Variants in SLC22A13 observed in about 807,000 individuals in gnomAD.
The protein encoded by SLC22A13 is solute carrier family 22 member 13.
A neutral mutation model predicts 49.1 loss-of-function variants in SLC22A13; 42 were observed. That is an observed-to-expected ratio of 0.85 (90% CI 0.67 to 1.11). SLC22A13 has a LOEUF of 1.11. Among genes scored for constraint, SLC22A13 ranks in the 50% least tolerant of loss-of-function variants. The pLI is 0.00. For synonymous variants in SLC22A13, 282 were observed against 293.1 expected (o/e 0.96, Z 0.39); for missense variants, 694 against 712.8 (o/e 0.97, Z 0.30).
Position 38,275,973 on chromosome 3 carries a change from G to T in SLC22A13, c.1114G>T (p.Val372Phe), listed in dbSNP as rs753210279. The T allele has an allele frequency of 5.0e-6, 8 of 1,614,120 alleles. 1 individual carries two copies. In the South Asian group the frequency reaches 8.8e-5, roughly 18 times the overall value. Reference sequence around the variant, plus strand: ...TCTGACGCAGCTCATCTTTGGAGCTGTTGAGGTGCCTGCCCGCTGTTCCAG... The same window carrying T: ...TCTGACGCAGCTCATCTTTGGAGCTTTTGAGGTGCCTGCCCGCTGTTCCAG... ...VYLTQLIFGAVEVPARCSSIF... is the reference protein window; with the variant it reads ...VYLTQLIFGAFEVPARCSSIF... The change falls in exon 7 of 10, where the codon GTT becomes TTT. Residue 372 changes from valine to phenylalanine, a missense_variant. By Grantham distance (50) the Val-to-Phe change is conservative (BLOSUM62 -1). Transcript: ENST00000311856.
Position 38,275,497 on chromosome 3 carries a change from C to T in SLC22A13, c.927+7C>T. On this transcript the variant is annotated splice_region_variant and intron_variant, in intron 5 of 9. Coordinates refer to ENST00000311856, the MANE Select transcript of SLC22A13 (RefSeq NM_004256.4). ...CCCGGAGCTCATGAACCAGGTACTT[C>T]CAGCAGGCCCAGGCCCAGGCCCAGA... 1 of 1,614,210 alleles carries T rather than the reference C, an allele frequency of 6.2e-7. No individual in the cohort carries two copies. The highest frequency in any genetic ancestry group is 1.1e-5 in the South Asian group (1 of 91,078).
Position 38,266,118 on chromosome 3 carries a change from C to T in SLC22A13, c.258C>T (p.Phe86=), listed in dbSNP as rs1210882695. Residue 86 remains phenylalanine (F), a synonymous_variant, in exon 1 of 10, where the codon TTC becomes TTT. Transcript: ENST00000311856. The part of the protein sequence containing the change: ...TAGHPEPCLM[F]RPPPANASLQ... ...GTCACCCAGAGCCCTGCCTCATGTTCCGGCCACCCCCCGCCAATGCCAGCC... is the reference window on the plus strand; with the variant it reads ...GTCACCCAGAGCCCTGCCTCATGTTTCGGCCACCCCCCGCCAATGCCAGCC... 1.9e-6 allele frequency: 3 copies of T among 1,614,104 alleles called. No homozygotes were observed. In the Admixed American group the frequency reaches 5.0e-5, roughly 27 times the overall value.
In SLC22A13 at chr3:38,272,127, G is replaced by A. The variant is rs539680060; in HGVS notation, c.379-2145G>A. ...GGAATGATAAGCCATTATGGGGTTA[G>A]AATGAGGATTTAATGTCATAGCAGG... On this transcript the variant is annotated intron_variant, in intron 1 of 9. Coordinates refer to ENST00000311856, the MANE Select transcript of SLC22A13 (RefSeq NM_004256.4). 2.6e-5 allele frequency among the ~76,000 whole-genome samples: 4 copies of A among 152,378 alleles called. No individual in the cohort carries two copies. The South Asian group carries it at 6.2e-4, about 24-fold the overall frequency.
intron 9 of SLC22A13, 24 bp from the exon 10 acceptor site, chr3:38,277,348 A>G (rs1179871505): frequency 6.3e-6 from 10 of 1,576,672 alleles, no homozygotes; most frequent in Non-Finnish European, 7.8e-6. Context: ...TGGGCAGCCA[A>G]TGACAGCCTT....
At position 38,276,015 on chromosome 3, in the gene SLC22A13, A is replaced by G. The variant is rs777603216; in HGVS notation, c.1156A>G (p.Arg386Gly). Residue 386 changes from arginine to glycine, a missense_variant, in exon 7 of 10, where the codon AGG (arginine) becomes GGG (glycine). Coordinates refer to ENST00000311856, the MANE Select transcript of SLC22A13 (RefSeq NM_004256.4). ...CTGTTCCAGCATCTTCATGATGCAG[A>G]GGTTTGGCCGCAAGTGGAGCCAGTT... ...ARCSSIFMMQ[R>G]FGRKWSQLGT... is the part of the protein sequence containing the mutation. 1.9e-6 allele frequency: 3 copies of G among 1,614,098 alleles called. No individual in the cohort carries two copies. In the Admixed American group the frequency reaches 5.0e-5, roughly 27 times the overall value.
chr3:38,266,765 C>T (rs915334106), intron 1 of SLC22A13, among the ~76,000 whole-genome samples: 4 of 152,196 alleles, frequency 2.6e-5, no homozygotes, highest in Admixed American at 2.6e-4. Flanking sequence ...CGCTGGAGAA[C>T]ATCCAGGACT....
At position 38,268,961 on chromosome 3, in the gene SLC22A13, CAAACAAAA is replaced by C. The variant is rs375879446; in HGVS notation, c.378+2727_378+2734del. On this transcript the variant is annotated intron_variant, in intron 1 of 9. Transcript: ENST00000311856. ...CCCGCAAAACAAACAAACAAACAAA[CAAACAAAA>C]AAAACAGCATTAAGATGTCCCATGT... Among the ~76,000 whole-genome samples the C allele has an allele frequency of 4.2e-3, 638 of 151,932 alleles. 7 individuals carry two copies. Among genetic ancestry groups the C allele is most frequent in the African/African-American group, 0.015 (615 of 41,482 alleles).
At chr3:38,272,620 G>C (rs903017492) in intron 1 of SLC22A13, among the ~76,000 whole-genome samples, 1 of 152,204 alleles carries the variant, frequency 6.6e-6, no homozygotes, top group Non-Finnish European at 1.5e-5. Flanking sequence ...GAACTGGCTG[G>C]AGCAACAATT....
Position 38,277,894 on chromosome 3 carries a change from T to C in SLC22A13, c.*429T>C, listed in dbSNP as rs1703605899. 1 of 154,634 alleles carries C rather than the reference T, an allele frequency of 6.5e-6. No individual in the cohort carries two copies. Among genetic ancestry groups the C allele is most frequent in the Non-Finnish European group, 1.4e-5 (1 of 69,850 alleles). 9.6% of individuals were successfully genotyped at this position (154,634 alleles called of 1,614,324 possible). On this transcript the variant is annotated 3_prime_UTR_variant, in exon 10 of 10. Transcript: ENST00000311856. ...AACAGGAGGGGAGAGGAAACAAATG[T>C]GAAGTTGTGGACTCTACCCAGGCAG...
chr3:38,275,744 G>A, intron 6 of SLC22A13, 72 bp downstream of exon 6: 1 of 1,529,940 alleles, frequency 6.5e-7, no homozygotes, highest in Non-Finnish European at 9.0e-7. Context: ...AGAGGGGTGG[G>A]CTGGTGGCTG....
chr3:38,270,713 G>T, intron 1 of SLC22A13: 1 of 167,432 alleles, frequency 6.0e-6, no homozygotes, highest in Non-Finnish European at 1.3e-5. Flanking sequence ...GTAGGATATC[G>T]GTATGTTTTA....
chr3:38,276,373 G>A lies in SLC22A13; in HGVS notation c.1324G>A (p.Glu442Lys), dbSNP rs779881987. ...TACCATCTCCTATGTGTACTCTGCCGAGCTTTTCCCCACCATCCTCCGGTA... is the reference window on the plus strand; with the variant it reads ...TACCATCTCCTATGTGTACTCTGCCAAGCTTTTCCCCACCATCCTCCGGTA... ...AFTISYVYSA[E>K]LFPTILRQTG... The change falls in exon 8 of 10, where the codon GAG (glutamate) becomes AAG (lysine). Residue 442 changes from glutamate to lysine, a missense_variant. Transcript: ENST00000311856. 34 of 1,611,900 alleles carry A rather than the reference G, an allele frequency of 2.1e-5. No homozygotes were observed. The Middle Eastern group carries it at 4.9e-4, about 23-fold the overall frequency.
In SLC22A13 at chr3:38,277,498, A is replaced by T. The variant is rs556860725; in HGVS notation, c.*33A>T. ...CTCTAAGAGCTGGACCATCAGCAGC[A>T]GGGAGCTGCCTAAACACCTCCTTGG... On this transcript the variant is annotated 3_prime_UTR_variant, in exon 10 of 10. Coordinates refer to ENST00000311856, the MANE Select transcript of SLC22A13 (RefSeq NM_004256.4). 6.5e-7 allele frequency: 1 copy of T among 1,533,188 alleles called. No homozygotes were observed. The allele number at this position is 1,533,188 out of a possible 1,614,324, so 95.0% of individuals were successfully genotyped here. A position where few individuals can be genotyped will look rare whatever the true frequency, so the allele number is the denominator to read the frequency against.
chr3:38,278,015 G>A lies in SLC22A13; in HGVS notation c.*550G>A, dbSNP rs1703607411. The A allele has an allele frequency of 6.6e-6, 1 of 152,356 alleles. No homozygotes were observed. Among genetic ancestry groups the A allele is most frequent in the African/African-American group, 2.4e-5 (1 of 41,438 alleles). The allele number at this position is 152,356 out of a possible 1,614,324, so 9.4% of individuals were successfully genotyped here. A position where few individuals can be genotyped will look rare whatever the true frequency, so the allele number is the denominator to read the frequency against. On this transcript the variant is annotated 3_prime_UTR_variant, in exon 10 of 10. Transcript: ENST00000311856. Reference sequence around the variant, plus strand: ...TAACGTATGGCCCCATAGGTCACTGGGTCATACAGAGAGAAGATTCAGTTC... The same window carrying A: ...TAACGTATGGCCCCATAGGTCACTGAGTCATACAGAGAGAAGATTCAGTTC...
Position 38,275,410 on chromosome 3 carries a change from A to T in SLC22A13, c.847A>T (p.Arg283Trp). 6.2e-7 allele frequency: 1 copy of T among 1,614,158 alleles called. No homozygotes were observed. The highest frequency in any genetic ancestry group is 2.2e-5 in the East Asian group (1 of 44,882). ...TGCACGTTGGCTCCTGACCCGTGGG[A>T]GGATGGACGAGGCGATACAACTGAT... Reference protein sequence around the residue: ...ESARWLLTRGRMDEAIQLIQK... With the variant: ...ESARWLLTRGWMDEAIQLIQK... Residue 283 changes from arginine to tryptophan, a missense_variant, in exon 5 of 10, where the codon AGG becomes TGG. Transcript: ENST00000311856.
At chr3:38,273,295 C>T (rs1703541600) in intron 1 of SLC22A13, among the ~76,000 whole-genome samples, 1 of 152,128 alleles carries the variant, frequency 6.6e-6, no homozygotes, top group Non-Finnish European at 1.5e-5. Flanking sequence ...GTTTCTCAGG[C>T]TGTGGGATTC....
In SLC22A13 at chr3:38,266,151, C is replaced by T. The variant is rs1422475197; in HGVS notation, c.291C>T (p.Asp97=). ...RPPPANASLQ[D]ILSHRFNETQ... is the part of the protein sequence containing the mutation. ...CCCCCGCCAATGCCAGCCTGCAGGA[C>T]ATCCTCAGCCACCGCTTCAATGAGA... The change falls in exon 1 of 10, where the codon GAC becomes GAT. Residue 97 remains aspartate (D), a synonymous_variant. Coordinates refer to ENST00000311856, the MANE Select transcript of SLC22A13 (RefSeq NM_004256.4). 2 of 1,614,194 alleles carry T rather than the reference C, an allele frequency of 1.2e-6. No individual in the cohort carries two copies. Among genetic ancestry groups the T allele is most frequent in the Non-Finnish European group, 1.7e-6 (2 of 1,180,038 alleles).
Position 38,277,094 on chromosome 3 carries a change from C to T in SLC22A13, c.1529C>T (p.Thr510Ile). ...ACGCATGGCCAGGGCCTGAAAGACA[C>T]CCTCCAGGACCTGGAGCTGGGGCCT... ...PETHGQGLKDTLQDLELGPHP... is the reference protein window; with the variant it reads ...PETHGQGLKDILQDLELGPHP... Residue 510 changes from threonine to isoleucine, a missense_variant, in exon 9 of 10, where the codon ACC becomes ATC. Thr to Ile is a moderately conservative substitution (Grantham distance 89). Transcript: ENST00000311856. 1.9e-6 allele frequency: 3 copies of T among 1,572,900 alleles called. No homozygotes were observed. The highest frequency in any genetic ancestry group is 1.9e-5 in the Admixed American group (1 of 53,780).
rs747207820 is a variant in SLC22A13 at position 38,265,873 on chromosome 3, G to A, written c.13G>A (p.Val5Ile). The change falls in exon 1 of 10, where the codon GTC (valine) becomes ATC (isoleucine). Residue 5 changes from valine (V) to isoleucine (I), a missense_variant. Physicochemically the swap from Val to Ile is conservative, Grantham distance 29. Coordinates refer to ENST00000311856, the MANE Select transcript of SLC22A13 (RefSeq NM_004256.4). ...GTGACTGGCATACATGGCTCAGTTT[G>A]TCCAGGTCCTGGCTGAAATAGGTGA... MAQF[V>I]QVLAEIGDFG... 1.2e-6 allele frequency: 2 copies of A among 1,614,090 alleles called. No individual in the cohort carries two copies. The highest frequency in any genetic ancestry group is 1.7e-6 in the Non-Finnish European group (2 of 1,179,962).
Sources: gnomAD v4.1 joint callset for allele counts (sites outside exome capture counted in the v4.1 genomes callset) on GRCh38, gnomAD v4.1.1 for gene constraint, MANE v1.5 for transcripts, NCBI Gene and HGNC (gene_info 2026-07-23, HGNC 2026-07-21) for gene names.